The following FAM72A variants were observed in gnomAD, a reference collection of about 807,000 sequenced individuals.
The protein encoded by FAM72A is regulator of UNG2 and MKLN1 interacting yippee protein 1, also known as protein FAM72A.
A neutral mutation model predicts 11.3 loss-of-function variants in FAM72A; 1 was observed. The ratio of observed to expected loss-of-function variants is 0.09; its 90% CI spans 0.03 to 0.42. FAM72A has a LOEUF of 0.42. Ranked by LOEUF, FAM72A falls within the 10% of genes least tolerant of loss-of-function variation. The pLI, the probability that FAM72A is intolerant of heterozygous loss-of-function variation, is 0.98. For missense variants in FAM72A, 15 were observed against 135.5 expected, an observed-to-expected ratio of 0.11 and a Z score of 4.41; for synonymous variants, 5 against 46.9, an observed-to-expected ratio of 0.11 and a Z score of 3.65.
chr1:206,198,092 G>T (rs1401937556), intron 2 of FAM72A, among the ~76,000 whole-genome samples: 2 of 151,150 alleles, frequency 1.3e-5, no homozygotes, highest in Non-Finnish European at 2.9e-5. Flanking sequence ...GGCTGGGTGC[G>T]GTGGCTCACG....
At chr1:206,199,039 G>A (rs574488932) in intron 2 of FAM72A, among the ~76,000 whole-genome samples, 210 of 149,068 alleles carry the variant, frequency 1.4e-3, no homozygotes, top group Middle Eastern at 3.4e-3. Context: ...CTTAGATCGC[G>A]CCATTGCACT....
chr1:206,203,235 C>A (rs1244278101), upstream of FAM72A: 28 of 379,176 alleles, frequency 7.4e-5, no homozygotes, highest in Non-Finnish European at 1.2e-4. Context: ...CCTCTCTACC[C>A]CGGCCCAATT....
chr1:206,187,168 C>G lies in FAM72A; in HGVS notation c.*111G>C. ...GAAAATAAATAAATCAACAAATGCC[C>G]CATTTTTGTTTTCCAAAAAAGATCA... On this transcript the variant is annotated 3_prime_UTR_variant, in exon 4 of 4. Coordinates refer to ENST00000367128, the MANE Select transcript of FAM72A (RefSeq NM_001123168.3). 3 of 1,091,254 alleles carry G rather than the reference C, an allele frequency of 2.7e-6. No homozygotes were observed. Among genetic ancestry groups the G allele is most frequent in the Non-Finnish European group, 3.8e-6 (3 of 788,272 alleles). 67.6% of individuals were successfully genotyped at this position (1,091,254 alleles called of 1,614,324 possible).
rs376030453 is a variant in FAM72A at position 206,196,092 on chromosome 1, CTATTATTATTAT to C, written c.231-228_231-217del. Among the ~76,000 whole-genome samples the C allele has an allele frequency of 3.0e-3, 438 of 143,956 alleles. 4 individuals carry two copies. Among genetic ancestry groups the C allele is most frequent in the African/African-American group, 0.011 (412 of 38,346 alleles). 94.4% of individuals were successfully genotyped at this position (143,956 alleles called of 152,430 possible). ...AGTAAAATATTCTCACATTTCTTTG[CTATTATTATTAT>C]TATTATTATTATTATTGAGACCGAG... On this transcript the variant is annotated intron_variant, in intron 2 of 3. Transcript: ENST00000367128.
At chr1:206,193,221 CTT>C (rs1300128110) in intron 3 of FAM72A, among the ~76,000 whole-genome samples, 1 of 143,580 alleles carries the variant, frequency 7.0e-6, no homozygotes. Context: ...CCTCTTATTC[CTT>C]TTTTTTTTTC....
intron 2 of FAM72A, among the ~76,000 whole-genome samples, chr1:206,198,206 T>C (rs1216364605): frequency 4.9e-5 from 7 of 142,252 alleles, no homozygotes; most frequent in Non-Finnish European, 9.3e-5. Context: ...TCTACTAAAA[T>C]ATGAAAAATT....
At chr1:206,193,226 T>C (rs1481691234) in intron 3 of FAM72A, among the ~76,000 whole-genome samples, 2 of 150,896 alleles carry the variant, frequency 1.3e-5, no homozygotes, top group Non-Finnish European at 3.0e-5. Flanking sequence ...TATTCCTTTT[T>C]TTTTTTCAGA....
rs1340747390 is a variant in FAM72A at position 206,192,917 on chromosome 1, CT to C, written c.355+2834del. On this transcript the variant is annotated intron_variant, in intron 3 of 3. Coordinates refer to ENST00000367128, the MANE Select transcript of FAM72A (RefSeq NM_001123168.3). ...ACAGATTTTTCTTTTCTTTTCTTTT[CT>C]TTTTTTTTTTTTGAGATGGAGTTTC... Among the ~76,000 whole-genome samples the C allele has an allele frequency of 3.7e-3, 541 of 144,856 alleles. 1 individual carries two copies. Among genetic ancestry groups the C allele is most frequent in the African/African-American group, 9.0e-3 (357 of 39,874 alleles).
chr1:206,187,134 T>A lies in FAM72A; in HGVS notation c.*145A>T. 9.3e-7 allele frequency: 1 copy of A among 1,080,390 alleles called. No individual in the cohort carries two copies. The highest frequency in any genetic ancestry group is 1.3e-6 in the Non-Finnish European group (1 of 779,360). 66.9% of individuals were successfully genotyped at this position (1,080,390 alleles called of 1,614,324 possible). Reference sequence around the variant, plus strand: ...GCTTCAATCAAACTGAGGTAACTAATTAGAGACGGAAAATAAATAAATCAA... The same window carrying A: ...GCTTCAATCAAACTGAGGTAACTAAATAGAGACGGAAAATAAATAAATCAA... On this transcript the variant is annotated 3_prime_UTR_variant, in exon 4 of 4. Transcript: ENST00000367128.
intron 2 of FAM72A, among the ~76,000 whole-genome samples, chr1:206,196,873 A>C (rs1665091176): frequency 6.7e-6 from 1 of 149,726 alleles, no homozygotes; most frequent in East Asian, 1.9e-4. Flanking sequence ...CTTTAAAAAA[A>C]ATAGCAACAT....
intron 2 of FAM72A, among the ~76,000 whole-genome samples, chr1:206,196,878 C>A: frequency 6.9e-6 from 1 of 145,808 alleles, no homozygotes; most frequent in South Asian, 2.2e-4. Context: ...AAAAAAATAG[C>A]AACATGAACT....
At chr1:206,193,720 C>T (rs1403557368) in intron 3 of FAM72A, among the ~76,000 whole-genome samples, 2 of 151,588 alleles carry the variant, frequency 1.3e-5, no homozygotes, top group African/African-American at 4.9e-5. Flanking sequence ...TTTGCCTGTG[C>T]GCTGTCAATG....
upstream of FAM72A, chr1:206,205,739 T>C: frequency 1.7e-6 from 1 of 592,770 alleles, no homozygotes. Context: ...GCTCCGGCTC[T>C]AGCACAGGCA....
chr1:206,192,917 C>CTT (rs1340747390), intron 3 of FAM72A, among the ~76,000 whole-genome samples: 1 of 145,022 alleles, frequency 6.9e-6, no homozygotes. Flanking sequence ...CTTTTCTTTT[C>CTT]TTTTTTTTTT....
upstream of FAM72A, chr1:206,203,229 T>C: frequency 2.7e-6 from 1 of 372,386 alleles, no homozygotes; most frequent in Non-Finnish European, 4.8e-6. Flanking sequence ...ACCCCTCCTC[T>C]CTACCCCGGC....
chr1:206,203,520 G>A, upstream of FAM72A: 1 of 502,402 alleles, frequency 2.0e-6, no homozygotes, highest in Admixed American at 3.7e-5. Flanking sequence ...GGGGTCCTGC[G>A]GAGTTGGCGG....
chr1:206,196,698 A>G (rs1168331873), intron 2 of FAM72A, among the ~76,000 whole-genome samples: 1 of 139,598 alleles, frequency 7.2e-6, no homozygotes, highest in Admixed American at 7.1e-5. Flanking sequence ...GAACTCAGAA[A>G]TAAAGCAATC....
At chr1:206,196,769 T>G (rs1300043151) in intron 2 of FAM72A, among the ~76,000 whole-genome samples, 1 of 151,332 alleles carries the variant, frequency 6.6e-6, no homozygotes, top group Non-Finnish European at 1.5e-5. Context: ...CAGCTGATTA[T>G]AAGTACCTCA....
At chr1:206,198,181 C>T (rs797034485) in intron 2 of FAM72A, among the ~76,000 whole-genome samples, 20 of 148,262 alleles carry the variant, frequency 1.3e-4, no homozygotes, top group Non-Finnish European at 2.5e-4. Flanking sequence ...CTGGGCAACA[C>T]GGTGAAACCC....
Sources: allele counts gnomAD v4.1 joint callset (sites outside exome capture counted in the v4.1 genomes callset), GRCh38; gene constraint gnomAD v4.1.1; transcripts MANE v1.5; gene names NCBI Gene and HGNC (gene_info 2026-07-23, HGNC 2026-07-21).